RCOR1: variants seen among roughly 807,000 people sequenced by gnomAD.
RCOR1 encodes the protein REST corepressor 1.
RCOR1 carries 12 observed loss-of-function variants against 64.0 expected under a neutral mutation model. That is an observed-to-expected ratio of 0.19 (90% CI 0.12 to 0.30). The LOEUF (loss-of-function observed/expected upper bound fraction) is 0.30, where lower values mean the gene tolerates loss of function less well. RCOR1 is among the 10% of genes least tolerant of loss of function. The pLI is 1.00. For missense variants in RCOR1, 502 were observed against 621.2 expected (o/e 0.81, Z 2.04); for synonymous variants, 279 against 227.2 (o/e 1.23, Z -2.05).
At chr14:102,623,371 C>A (rs528678181) in intron 2 of RCOR1, among the ~76,000 whole-genome samples, 1 of 141,034 alleles carries the variant, frequency 7.1e-6, no homozygotes, top group East Asian at 1.9e-4. Context: ...TAACAATTTA[C>A]TTCCTTTATT....
intron 2 of RCOR1, chr14:102,649,756 A>T (rs1054582125): frequency 1.0e-6 from 1 of 983,422 alleles, no homozygotes; most frequent in Non-Finnish European, 1.2e-6. Context: ...AGAGCCATTT[A>T]GTTGCTTATA....
rs34776749 is a variant in RCOR1 at position 102,598,447 on chromosome 14, C to CTT, written c.361+5139_361+5140dup. ...TTAGTCTTAAAATCCTGATTCAGTTCTTTTTTTTTTTTTTTTTTGAGACGG... is the reference window on the plus strand; with the variant it reads ...TTAGTCTTAAAATCCTGATTCAGTTCTTTTTTTTTTTTTTTTTTTTGAGACGG... On this transcript the variant is annotated intron_variant, in intron 2 of 11. Transcript: ENST00000262241. 2.5e-3 allele frequency among the ~76,000 whole-genome samples: 316 copies of CTT among 127,274 alleles called. 7 individuals carry two copies. Among genetic ancestry groups the CTT allele is most frequent in the Middle Eastern group, 0.013 (3 of 234 alleles). 83.5% of individuals were successfully genotyped at this position (127,274 alleles called of 152,430 possible).
chr14:102,721,316 C>G lies in RCOR1; in HGVS notation c.1132-4C>G, dbSNP rs752457059. The stretch of plus-strand genomic sequence containing the variant: ...GTGCTAAAATGACTCATTTGGATAT[C>G]CAGGTCATTCAGAAATGTAATGCAC... On this transcript the variant is annotated splice_polypyrimidine_tract_variant and splice_region_variant and intron_variant, in intron 9 of 11. Coordinates refer to ENST00000262241, the MANE Select transcript of RCOR1 (RefSeq NM_015156.4). The G allele has an allele frequency of 1.2e-5, 19 of 1,611,662 alleles. No individual in the cohort carries two copies. Among genetic ancestry groups the G allele is most frequent in the Non-Finnish European group, 1.6e-5 (19 of 1,178,156 alleles).
intron 2 of RCOR1, among the ~76,000 whole-genome samples, chr14:102,676,766 G>T: frequency 4.1e-5 from 4 of 98,514 alleles, no homozygotes; most frequent in African/African-American, 1.8e-4. Context: ...CGGGGCGGCT[G>T]GCCGGGCAGA....
chr14:102,691,920 A>G (rs998784900), intron 3 of RCOR1, among the ~76,000 whole-genome samples: 2 of 152,232 alleles, frequency 1.3e-5, no homozygotes, highest in African/African-American at 4.8e-5. Context: ...ATGCCCATCT[A>G]GAATATATAT....
At chr14:102,723,135 A>G (rs1447267156) in intron 11 of RCOR1, among the ~76,000 whole-genome samples, 1 of 152,256 alleles carries the variant, frequency 6.6e-6, no homozygotes. Flanking sequence ...TTACTTGCCA[A>G]TCACTTTGCA....
intron 8 of RCOR1, among the ~76,000 whole-genome samples, chr14:102,719,299 C>T (rs1461672301): frequency 1.3e-5 from 2 of 152,086 alleles, no homozygotes; most frequent in African/African-American, 2.4e-5. Flanking sequence ...ATGTGCACAA[C>T]GTGCAGGTTT....
At chr14:102,701,196 A>G (rs940713840) in intron 3 of RCOR1, 82 bp from the exon 4 acceptor site, 7 of 1,128,156 alleles carry the variant, frequency 6.2e-6, no homozygotes, top group South Asian at 2.5e-5. Context: ...GGCCTGAAAT[A>G]TACACGTATA....
At chr14:102,615,649 T>C (rs895495051) in intron 2 of RCOR1, among the ~76,000 whole-genome samples, 1 of 152,066 alleles carries the variant, frequency 6.6e-6, no homozygotes, top group Non-Finnish European at 1.5e-5. Flanking sequence ...GGTTTCTCCA[T>C]GTTGGTCAGG....
chr14:102,671,435 G>A (rs530979345), intron 2 of RCOR1, among the ~76,000 whole-genome samples: 8 of 152,198 alleles, frequency 5.3e-5, no homozygotes, highest in South Asian at 4.1e-4. Flanking sequence ...TCCCTCTGTC[G>A]CCCAGGCTGG....
intron 2 of RCOR1, among the ~76,000 whole-genome samples, chr14:102,664,088 A>G (rs1355374623): frequency 6.6e-6 from 1 of 152,136 alleles, no homozygotes; most frequent in African/African-American, 2.4e-5. Context: ...AGATTACTGG[A>G]AAGTGATTGA....
In RCOR1 at chr14:102,686,424, A is replaced by G. The variant is rs114634064; in HGVS notation, c.445+4446A>G. Among the ~76,000 whole-genome samples the G allele has an allele frequency of 5.0e-3, 760 of 152,276 alleles. 9 individuals are homozygous for G. Among genetic ancestry groups the G allele is most frequent in the African/African-American group, 0.017 (717 of 41,560 alleles). Reference sequence around the variant, plus strand: ...CCACCAAAGGGATACGTTTGTTACAATCAAGCAGCCTACAGTGACACATTC... The same window carrying G: ...CCACCAAAGGGATACGTTTGTTACAGTCAAGCAGCCTACAGTGACACATTC... On this transcript the variant is annotated intron_variant, in intron 3 of 11. Coordinates refer to ENST00000262241, the MANE Select transcript of RCOR1 (RefSeq NM_015156.4).
intron 2 of RCOR1, among the ~76,000 whole-genome samples, chr14:102,593,890 C>T (rs1035307892): frequency 1.1e-4 from 16 of 152,188 alleles, no homozygotes; most frequent in African/African-American, 3.6e-4. Context: ...TTCCAGAGGG[C>T]GCCTGCCTGG....
chr14:102,712,954 T>G (rs1024992594), intron 7 of RCOR1, among the ~76,000 whole-genome samples: 38 of 133,870 alleles, frequency 2.8e-4, no homozygotes, highest in South Asian at 1.5e-3. Flanking sequence ...ATTGTTTTTT[T>G]TTTTTTTTTT....
At chr14:102,723,016 C>G (rs1215366975) in intron 11 of RCOR1, among the ~76,000 whole-genome samples, 1 of 152,204 alleles carries the variant, frequency 6.6e-6, no homozygotes, top group Non-Finnish European at 1.5e-5. Context: ...TCCCTGCTTC[C>G]TGTGTCAGGG....
At chr14:102,650,972 T>TA (rs1894576265) in intron 2 of RCOR1, 2 of 832,022 alleles carry the variant, frequency 2.4e-6, no homozygotes, top group African/African-American at 1.9e-5. Flanking sequence ...CAATGAGACT[T>TA]AGACTCATAA....
chr14:102,660,146 C>A (rs570533122), intron 2 of RCOR1, among the ~76,000 whole-genome samples: 1 of 152,258 alleles, frequency 6.6e-6, no homozygotes, highest in South Asian at 2.1e-4. Context: ...TTTGTAGGTA[C>A]ACACCTAGAA....
chr14:102,702,754 G>C (rs1309151455), intron 4 of RCOR1, among the ~76,000 whole-genome samples: 1 of 152,140 alleles, frequency 6.6e-6, no homozygotes, highest in African/African-American at 2.4e-5. Context: ...CCCTGAGGAA[G>C]AGTGTGATTA....
chr14:102,652,092 A>G (rs1451562939), intron 2 of RCOR1, among the ~76,000 whole-genome samples: 2 of 152,198 alleles, frequency 1.3e-5, no homozygotes, highest in East Asian at 3.8e-4. Context: ...GGATTTCTTA[A>G]AAGTGTCCTT....
Sources: allele counts gnomAD v4.1 joint callset (sites outside exome capture counted in the v4.1 genomes callset), GRCh38; gene constraint gnomAD v4.1.1; transcripts MANE v1.5; gene names NCBI Gene and HGNC (gene_info 2026-07-23, HGNC 2026-07-21).